GPC5: variants seen among roughly 807,000 people sequenced by gnomAD.
The protein encoded by GPC5 is glypican-5.
In GPC5, 47 loss-of-function variants were observed where a neutral mutation model predicts 53.9. The ratio of observed to expected loss-of-function variants is 0.87; its 90% CI spans 0.69 to 1.11. The LOEUF (loss-of-function observed/expected upper bound fraction) is 1.11, where lower values mean the gene tolerates loss of function less well. Ranked by LOEUF, GPC5 falls within the 50% of genes most tolerant of loss-of-function variation. The probability of loss-of-function intolerance (pLI) is 0.00; values close to 1 mark genes in which losing one functional copy is unlikely to be tolerated. For synonymous variants in GPC5, 286 were observed against 263.3 expected (o/e 1.09, Z -0.84); for missense variants, 748 against 713.1 (o/e 1.05, Z -0.56).
At chr13:92,765,501 T>C (rs1055719260) in intron 7 of GPC5, among the ~76,000 whole-genome samples, 1 of 152,206 alleles carries the variant, frequency 6.6e-6, no homozygotes, top group Non-Finnish European at 1.5e-5. Context: ...GAAATATAAT[T>C]CTGATACCTT....
chr13:92,362,197 GT>G (rs11285768), intron 7 of GPC5, among the ~76,000 whole-genome samples: 70,542 of 151,234 alleles, frequency 0.47, 18,171 homozygotes, highest in African/African-American at 0.68. Context: ...AGATATGTTT[GT>G]TGAGTTTGTG....
chr13:91,559,216 A>G (rs940618642), intron 2 of GPC5, among the ~76,000 whole-genome samples: 5 of 152,174 alleles, frequency 3.3e-5, no homozygotes, highest in African/African-American at 1.2e-4. Context: ...CCTATGGTTG[A>G]CTATGATGAA....
intron 7 of GPC5, among the ~76,000 whole-genome samples, chr13:92,762,014 A>G (rs994957443): frequency 6.6e-6 from 1 of 152,140 alleles, no homozygotes; most frequent in Non-Finnish European, 1.5e-5. Flanking sequence ...TGTGCCTTAG[A>G]AGAAATGCTT....
intron 1 of GPC5, among the ~76,000 whole-genome samples, chr13:91,411,444 A>T (rs1167726504): frequency 6.6e-6 from 1 of 151,902 alleles, no homozygotes; most frequent in Non-Finnish European, 1.5e-5. Context: ...AGGCCTCTCC[A>T]CCCTACCCTT....
At chr13:92,139,232 G>C (rs911481146) in intron 6 of GPC5, among the ~76,000 whole-genome samples, 1 of 152,106 alleles carries the variant, frequency 6.6e-6, no homozygotes, top group African/African-American at 2.4e-5. Context: ...TGTCTCTCCT[G>C]TTTCCTGATT....
At chr13:92,036,054 C>G (rs777298377) in intron 6 of GPC5, among the ~76,000 whole-genome samples, 16 of 152,158 alleles carry the variant, frequency 1.1e-4, no homozygotes, top group Non-Finnish European at 1.8e-4. Context: ...TCTATCACAT[C>G]AACCATATGT....
chr13:92,531,257 G>T (rs1881554096), intron 7 of GPC5, among the ~76,000 whole-genome samples: 1 of 151,894 alleles, frequency 6.6e-6, no homozygotes, highest in South Asian at 2.1e-4. Flanking sequence ...ATTAATATTA[G>T]GTAAGAATAT....
intron 5 of GPC5, among the ~76,000 whole-genome samples, chr13:91,851,428 C>T (rs1194498876): frequency 6.6e-6 from 1 of 152,110 alleles, no homozygotes; most frequent in South Asian, 2.1e-4. Flanking sequence ...AGACCAAAGA[C>T]ATTACTGTAC....
chr13:91,998,236 T>C (rs1485979264), intron 6 of GPC5, among the ~76,000 whole-genome samples: 1 of 152,224 alleles, frequency 6.6e-6, no homozygotes, highest in Non-Finnish European at 1.5e-5. Context: ...TATTTTTCTC[T>C]GTCTGTACCA....
chr13:91,691,238 C>T (rs1272791988), intron 2 of GPC5, among the ~76,000 whole-genome samples: 1 of 152,122 alleles, frequency 6.6e-6, no homozygotes, highest in Non-Finnish European at 1.5e-5. Context: ...TATTTGCAAC[C>T]GCAATGTTTC....
At chr13:92,223,614 C>G (rs1172714401) in intron 7 of GPC5, among the ~76,000 whole-genome samples, 3 of 151,638 alleles carry the variant, frequency 2.0e-5, no homozygotes, top group Non-Finnish European at 4.4e-5. Flanking sequence ...GATGAAACCT[C>G]ATTGATTTTT....
intron 5 of GPC5, among the ~76,000 whole-genome samples, chr13:91,791,954 G>A (rs746380769): frequency 2.6e-5 from 4 of 152,196 alleles, no homozygotes; most frequent in Non-Finnish European, 5.9e-5. Flanking sequence ...GATTCTAATA[G>A]TACTTGGTTT....
chr13:92,118,084 TTTTG>T lies in GPC5; in HGVS notation c.1402-26730_1402-26727del, dbSNP rs993252823. 2.0e-5 allele frequency among the ~76,000 whole-genome samples: 3 copies of T among 152,128 alleles called. No homozygotes were observed. In the East Asian group the frequency reaches 5.8e-4, roughly 29 times the overall value. On this transcript the variant is annotated intron_variant, in intron 6 of 7. Coordinates refer to ENST00000377067, the MANE Select transcript of GPC5 (RefSeq NM_004466.6). ...TGTAATTTAGTGGCAGTTTTGGTTT[TTTTG>T]TTTGTTTGTTTGTTTTGTAGATGCC...
At chr13:92,234,294 C>A (rs568732178) in intron 7 of GPC5, among the ~76,000 whole-genome samples, 25 of 152,222 alleles carry the variant, frequency 1.6e-4, no homozygotes, top group African/African-American at 4.6e-4. Context: ...AAGTGTTCCT[C>A]TTTCTCCACA....
intron 7 of GPC5, among the ~76,000 whole-genome samples, chr13:92,751,884 TA>T (rs1566400999): frequency 6.6e-6 from 1 of 152,214 alleles, no homozygotes; most frequent in Non-Finnish European, 1.5e-5. Flanking sequence ...CCAACTAGGT[TA>T]TTGCCTCAAG....
chr13:92,162,466 G>C (rs181333539), intron 7 of GPC5, among the ~76,000 whole-genome samples: 1 of 152,294 alleles, frequency 6.6e-6, no homozygotes, highest in South Asian at 2.1e-4. Flanking sequence ...ACACAGGAAG[G>C]TATCTCAGTC....
chr13:92,220,234 T>C (rs2042439081), intron 7 of GPC5, among the ~76,000 whole-genome samples: 1 of 152,104 alleles, frequency 6.6e-6, no homozygotes, highest in Admixed American at 6.6e-5. Context: ...GCCACTCTTC[T>C]GGGTACTGGA....
At chr13:92,152,829 A>G (rs999638398) in intron 7 of GPC5, among the ~76,000 whole-genome samples, 21 of 152,176 alleles carry the variant, frequency 1.4e-4, no homozygotes, top group African/African-American at 5.1e-4. Flanking sequence ...TAAGGAAAAT[A>G]ATATAGTTGT....
intron 7 of GPC5, among the ~76,000 whole-genome samples, chr13:92,353,271 A>C (rs867286424): frequency 1.3e-5 from 2 of 150,026 alleles, no homozygotes; most frequent in African/African-American, 4.9e-5. Context: ...CGTCTCAAAA[A>C]AAAAAAAAAA....
Sources: gnomAD v4.1 joint callset for allele counts (sites outside exome capture counted in the v4.1 genomes callset) on GRCh38, gnomAD v4.1.1 for gene constraint, MANE v1.5 for transcripts, NCBI Gene and HGNC (gene_info 2026-07-23, HGNC 2026-07-21) for gene names.